KCNC2: variants seen among roughly 807,000 people sequenced by gnomAD.
The protein encoded by KCNC2 is potassium voltage-gated channel subfamily C member 2, also known as voltage-gated potassium channel KCNC2.
Under a neutral mutation model 44.5 loss-of-function variants are expected in KCNC2, and 21 were observed. That is an observed-to-expected ratio of 0.47 (90% CI 0.33 to 0.68). KCNC2 has a LOEUF of 0.68. Ranked by LOEUF, KCNC2 falls within the 30% of genes least tolerant of loss-of-function variation. The probability of loss-of-function intolerance (pLI) is 0.01; values close to 1 mark genes in which losing one functional copy is unlikely to be tolerated. For missense variants in KCNC2, 589 were observed against 826.2 expected (o/e 0.71, Z 3.52); for synonymous variants, 391 against 339.1 (o/e 1.15, Z -1.68).
intron 2 of KCNC2, among the ~76,000 whole-genome samples, chr12:75,075,571 G>T (rs900001704): frequency 1.1e-4 from 16 of 151,402 alleles, no homozygotes; most frequent in Non-Finnish European, 8.8e-5. Context: ...CCCTTGAGAA[G>T]ATAATTACAT....
chr12:75,171,935 C>G lies in KCNC2; in HGVS notation c.687+35362G>C, dbSNP rs188434039. 6.3e-3 allele frequency among the ~76,000 whole-genome samples: 962 copies of G among 151,742 alleles called. 5 individuals are homozygous for G. The highest frequency in any genetic ancestry group is 0.01 in the Middle Eastern group (3 of 292). On this transcript the variant is annotated intron_variant, in intron 2 of 4. Coordinates refer to ENST00000549446, the MANE Select transcript of KCNC2 (RefSeq NM_139137.4). ...CTTTAAAAAGGGTTTTTTAAATTAT[C>G]TTTATCATTTGTTCTCTTCTATTAA...
chr12:75,089,428 T>C (rs1885291886), intron 2 of KCNC2, among the ~76,000 whole-genome samples: 1 of 151,888 alleles, frequency 6.6e-6, no homozygotes, highest in Non-Finnish European at 1.5e-5. Context: ...CCACAAGTAA[T>C]TGAATTGGGC....
In KCNC2 at chr12:75,041,967, G is replaced by C. The variant is rs975656967; in HGVS notation, c.*1138C>G. ...ATATACAGGAAAGACAGGGAGCTAA[G>C]ACAGACAAGAACAACATACAGGACA... On this transcript the variant is annotated 3_prime_UTR_variant, in exon 5 of 5. Transcript: ENST00000549446. The C allele has an allele frequency of 7.6e-5, 78 of 1,021,172 alleles. No homozygotes were observed. Among genetic ancestry groups the C allele is most frequent in the Non-Finnish European group, 8.7e-5 (74 of 853,980 alleles). The allele number at this position is 1,021,172 out of a possible 1,614,324, so 63.3% of individuals were successfully genotyped here.
chr12:75,096,903 C>T (rs1481105028), intron 2 of KCNC2, among the ~76,000 whole-genome samples: 1 of 151,866 alleles, frequency 6.6e-6, no homozygotes, highest in African/African-American at 2.4e-5. Flanking sequence ...TTTATAGAAA[C>T]ACAATTTTTA....
At chr12:75,169,192 T>C (rs1236007197) in intron 2 of KCNC2, among the ~76,000 whole-genome samples, 1 of 151,572 alleles carries the variant, frequency 6.6e-6, no homozygotes, top group Non-Finnish European at 1.5e-5. Flanking sequence ...ATTGCCTTTG[T>C]CTGAGGCCTT....
intron 2 of KCNC2, among the ~76,000 whole-genome samples, chr12:75,177,614 A>T (rs1395463776): frequency 6.6e-6 from 1 of 151,998 alleles, no homozygotes; most frequent in Non-Finnish European, 1.5e-5. Context: ...TGCTTATTTC[A>T]TCCTTAGTCA....
chr12:75,087,790 C>A (rs1325387605), intron 2 of KCNC2, among the ~76,000 whole-genome samples: 1 of 152,012 alleles, frequency 6.6e-6, no homozygotes, highest in Non-Finnish European at 1.5e-5. Context: ...AGGAAAGCTG[C>A]CTCCTCACCC....
intron 1 of KCNC2, among the ~76,000 whole-genome samples, chr12:75,208,769 C>T (rs978034851): frequency 1.3e-5 from 2 of 152,082 alleles, no homozygotes; most frequent in Non-Finnish European, 2.9e-5. Flanking sequence ...TTGCTTTTCA[C>T]CTAGGAGACC....
intron 2 of KCNC2, among the ~76,000 whole-genome samples, chr12:75,109,129 G>C (rs1424173903): frequency 6.6e-6 from 1 of 152,090 alleles, no homozygotes; most frequent in Admixed American, 6.6e-5. Context: ...TATATCTAGA[G>C]GGATTCATGT....
At chr12:75,060,244 G>A (rs564467620) in intron 2 of KCNC2, among the ~76,000 whole-genome samples, 1 of 152,072 alleles carries the variant, frequency 6.6e-6, no homozygotes, top group South Asian at 2.1e-4. Flanking sequence ...TTGAATCGCT[G>A]AATCCTGTGG....
chr12:75,084,692 A>G lies in KCNC2; in HGVS notation c.688-33375T>C, dbSNP rs547379854. ...TCTCAGGTATGTCTTTATCAGCATC[A>G]TGACAACAGACTAATACAATATCTC... On this transcript the variant is annotated intron_variant, in intron 2 of 4. Transcript: ENST00000549446. Among the ~76,000 whole-genome samples, 100 of 152,090 alleles carry G rather than the reference A, an allele frequency of 6.6e-4. 2 individuals are homozygous for G. Among genetic ancestry groups the G allele is most frequent in the South Asian group, 2.1e-3 (10 of 4,822 alleles).
At chr12:75,109,815 G>A (rs1203095278) in intron 2 of KCNC2, among the ~76,000 whole-genome samples, 1 of 152,046 alleles carries the variant, frequency 6.6e-6, no homozygotes, top group Non-Finnish European at 1.5e-5. Context: ...AGTTCACATA[G>A]AGAAGTCTGG....
chr12:75,162,911 C>G (rs1356765859), intron 2 of KCNC2, among the ~76,000 whole-genome samples: 1 of 151,718 alleles, frequency 6.6e-6, no homozygotes, highest in Non-Finnish European at 1.5e-5. Context: ...GACCTGCTTC[C>G]TCTTTATTTC....
intron 2 of KCNC2, among the ~76,000 whole-genome samples, chr12:75,148,803 T>C (rs999377023): frequency 3.3e-5 from 5 of 152,082 alleles, no homozygotes; most frequent in South Asian, 2.1e-4. Context: ...AGAAAAGTAA[T>C]TAGTCAATAT....
chr12:75,043,167 A>T lies in KCNC2; in HGVS notation c.1855T>A (p.Ser619Thr). The change falls in exon 5 of 5, where the codon TCA (serine) becomes ACA (threonine). Residue 619 changes from serine (S) to threonine (T), a missense_variant. Ser to Thr is a moderately conservative substitution (Grantham distance 58). Around this residue, in one of 7 missense-constraint regions of KCNC2, gnomAD observed 171 missense variants for 182.4 expected, o/e 0.94. Coordinates refer to ENST00000549446, the MANE Select transcript of KCNC2 (RefSeq NM_139137.4). ...GNALRLSPVT[S>T]PYNSPCPLRR... The stretch of plus-strand genomic sequence containing the variant: ...AGAGGACAAGGAGAGTTGTAGGGTG[A>T]TGTTACTGGAGAGAGCCTCAGAGCA... The T allele has an allele frequency of 6.2e-7, 1 of 1,612,550 alleles. No homozygotes were observed. The highest frequency in any genetic ancestry group is 1.1e-5 in the South Asian group (1 of 91,058).
At chr12:75,148,375 G>A (rs1890165749) in intron 2 of KCNC2, among the ~76,000 whole-genome samples, 1 of 151,998 alleles carries the variant, frequency 6.6e-6, no homozygotes, top group Admixed American at 6.6e-5. Flanking sequence ...GAGCTCTCAG[G>A]AAATATTTTC....
chr12:75,041,534 T>C lies in KCNC2; in HGVS notation c.*1571A>G, dbSNP rs1049099754. 1.8e-6 allele frequency: 2 copies of C among 1,128,286 alleles called. No homozygotes were observed. Among genetic ancestry groups the C allele is most frequent in the African/African-American group, 3.2e-5 (2 of 62,280 alleles). 69.9% of individuals were successfully genotyped at this position (1,128,286 alleles called of 1,614,324 possible). On this transcript the variant is annotated 3_prime_UTR_variant, in exon 5 of 5. Coordinates refer to ENST00000549446, the MANE Select transcript of KCNC2 (RefSeq NM_139137.4). Reference sequence around the variant, plus strand: ...CTTAGTGATATTATTTATCCCTCTATTTATATTACGGTCTTTTTCTTCCCT... The same window carrying C: ...CTTAGTGATATTATTTATCCCTCTACTTATATTACGGTCTTTTTCTTCCCT...
intron 2 of KCNC2, among the ~76,000 whole-genome samples, chr12:75,203,714 C>T (rs1032707268): frequency 2.6e-5 from 4 of 151,820 alleles, no homozygotes; most frequent in African/African-American, 9.7e-5. Flanking sequence ...TAAAACAGAG[C>T]TGAATTCAAT....
chr12:75,078,015 G>A (rs552357022), intron 2 of KCNC2, among the ~76,000 whole-genome samples: 6 of 151,892 alleles, frequency 4.0e-5, no homozygotes, highest in Admixed American at 1.3e-4. Flanking sequence ...TCAAATTCTC[G>A]GGATATATTC....
Sources: gnomAD v4.1 joint callset for allele counts (sites outside exome capture counted in the v4.1 genomes callset) on GRCh38, gnomAD v4.1.1 for gene constraint, gnomAD v4.1.1 regional missense constraint, MANE v1.5 for transcripts, NCBI Gene and HGNC (gene_info 2026-07-23, HGNC 2026-07-21) for gene names.